The following RCAN2 variants were observed in gnomAD, a reference collection of about 807,000 sequenced individuals.
The protein encoded by RCAN2 is regulator of calcineurin 2.
RCAN2 carries 9 observed loss-of-function variants against 23.6 expected under a neutral mutation model. The ratio of observed to expected loss-of-function variants is 0.38; its 90% confidence interval spans 0.23 to 0.67. RCAN2 has a LOEUF of 0.67. Ranked by LOEUF, RCAN2 falls within the 30% of genes least tolerant of loss-of-function variation. The pLI, the probability that RCAN2 is intolerant of heterozygous loss-of-function variation, is 0.51. For synonymous variants in RCAN2, 109 were observed against 115.7 expected (o/e 0.94, Z 0.37); for missense variants, 273 against 302.3 (o/e 0.90, Z 0.72).
At chr6:46,386,737 A>C (rs981933367) in intron 2 of RCAN2, among the ~76,000 whole-genome samples, 3 of 152,196 alleles carry the variant, frequency 2.0e-5, no homozygotes, top group African/African-American at 7.2e-5. Context: ...TCTTCACAGA[A>C]TTGGAAAAAA....
intron 2 of RCAN2, among the ~76,000 whole-genome samples, chr6:46,367,801 T>C (rs556958126): frequency 2.6e-5 from 4 of 152,224 alleles, no homozygotes; most frequent in Non-Finnish European, 5.9e-5. Context: ...AAACGCTATG[T>C]TTAATTTCCC....
chr6:46,316,559 A>T (rs1055662151), intron 2 of RCAN2, among the ~76,000 whole-genome samples: 1 of 152,182 alleles, frequency 6.6e-6, no homozygotes, highest in African/African-American at 2.4e-5. Flanking sequence ...AACTGAGGAG[A>T]ATAAAGGCCA....
At chr6:46,319,358 T>A (rs1054172160) in intron 2 of RCAN2, among the ~76,000 whole-genome samples, 7 of 152,220 alleles carry the variant, frequency 4.6e-5, no homozygotes, top group Admixed American at 3.9e-4. Flanking sequence ...TCTCTGAATT[T>A]TACATTAAAA....
chr6:46,288,952 C>T (rs1258067514), intron 2 of RCAN2, among the ~76,000 whole-genome samples: 1 of 152,338 alleles, frequency 6.6e-6, no homozygotes, highest in East Asian at 1.9e-4. Flanking sequence ...TAGTTAATTT[C>T]CTTCCTTCCC....
intron 1 of RCAN2, among the ~76,000 whole-genome samples, chr6:46,472,041 A>T (rs1188247806): frequency 1.3e-5 from 2 of 152,204 alleles, no homozygotes; most frequent in African/African-American, 4.8e-5. Flanking sequence ...GGAGAACAGG[A>T]AACCTTGTTC....
intron 1 of RCAN2, among the ~76,000 whole-genome samples, chr6:46,490,638 G>A (rs1410241445): frequency 6.6e-6 from 1 of 152,136 alleles, no homozygotes; most frequent in Non-Finnish European, 1.5e-5. Flanking sequence ...ATTTTTAGAT[G>A]ACCCAAGGCC....
chr6:46,373,993 G>A (rs765168612), intron 2 of RCAN2, among the ~76,000 whole-genome samples: 2 of 152,120 alleles, frequency 1.3e-5, no homozygotes, highest in African/African-American at 4.8e-5. Flanking sequence ...AGCACTTTGA[G>A]GCTGCCTGAA....
At chr6:46,272,410 T>C in intron 2 of RCAN2, among the ~76,000 whole-genome samples, 1 of 152,194 alleles carries the variant, frequency 6.6e-6, no homozygotes, top group South Asian at 2.1e-4. Flanking sequence ...CAAGTTATTG[T>C]GCTTCTTTAA....
intron 4 of RCAN2, among the ~76,000 whole-genome samples, chr6:46,227,252 T>C (rs1417581262): frequency 6.6e-6 from 1 of 152,218 alleles, no homozygotes; most frequent in Admixed American, 6.5e-5. Flanking sequence ...AATTCTCTTT[T>C]TTCGTTGTGT....
At chr6:46,237,108 C>T (rs139809883) in intron 4 of RCAN2, among the ~76,000 whole-genome samples, 182 of 152,284 alleles carry the variant, frequency 1.2e-3, no homozygotes, top group Middle Eastern at 0.01. Flanking sequence ...ATTCTACAAG[C>T]GACTCTACTG....
At chr6:46,440,781 A>G (rs1767517253) in intron 2 of RCAN2, among the ~76,000 whole-genome samples, 1 of 152,202 alleles carries the variant, frequency 6.6e-6, no homozygotes, top group South Asian at 2.1e-4. Flanking sequence ...CCAGTTCCCC[A>G]GAGTAAACAA....
rs1768690764 is a variant in RCAN2 at position 46,475,511 on chromosome 6, G to A, written c.-3+15662C>T. 2.0e-5 allele frequency among the ~76,000 whole-genome samples: 3 copies of A among 152,208 alleles called. No homozygotes were observed. In the South Asian group the frequency reaches 6.2e-4, roughly 32 times the overall value. On this transcript the variant is annotated intron_variant, in intron 1 of 4. Transcript: ENST00000371374. ...GTCAAGACACTTGAAGGGAAGTGAA[G>A]AAGGATTTTCCAAGGCTTCAATTCT... is the stretch of plus-strand genomic sequence containing the variant.
rs1765517667 is a variant in RCAN2 at position 46,222,748 on chromosome 6, T to C, written c.*393A>G. On this transcript the variant is annotated 3_prime_UTR_variant, in exon 5 of 5. Coordinates refer to ENST00000371374, the MANE Select transcript of RCAN2 (RefSeq NM_001251974.2). ...ATGCAGTCAAAGTCAAGTTTACATA[T>C]GGTCCTATTTAAGTGGCCAGGAGAG... The C allele has an allele frequency of 1.2e-5, 2 of 163,978 alleles. No homozygotes were observed. Among genetic ancestry groups the C allele is most frequent in the Non-Finnish European group, 2.6e-5 (2 of 75,942 alleles). 10.2% of individuals were successfully genotyped at this position (163,978 alleles called of 1,614,324 possible). A position where few individuals can be genotyped will look rare whatever the true frequency, so the allele number is the denominator to read the frequency against.
intron 2 of RCAN2, among the ~76,000 whole-genome samples, chr6:46,378,515 T>C (rs1483877367): frequency 7.2e-5 from 11 of 152,328 alleles, no homozygotes; most frequent in Admixed American, 1.3e-4. Flanking sequence ...GCTGGATTTA[T>C]GTAAATCCCA....
At chr6:46,308,453 GGC>G (rs1763136662) in intron 2 of RCAN2, among the ~76,000 whole-genome samples, 1 of 152,130 alleles carries the variant, frequency 6.6e-6, no homozygotes. Context: ...GGAGAGGAGA[GGC>G]AAATGTGGTT....
intron 2 of RCAN2, among the ~76,000 whole-genome samples, chr6:46,336,938 A>G (rs1012573932): frequency 2.7e-5 from 4 of 146,040 alleles, no homozygotes; most frequent in African/African-American, 1.0e-4. Context: ...GAGGAGAAAA[A>G]CATATTGGAA....
intron 2 of RCAN2, among the ~76,000 whole-genome samples, chr6:46,396,861 C>T (rs528661173): frequency 4.1e-4 from 62 of 152,270 alleles, no homozygotes; most frequent in African/African-American, 1.2e-3. Flanking sequence ...CCTGTATTCT[C>T]AGCACTTTCA....
At chr6:46,289,303 A>G (rs1762466984) in intron 2 of RCAN2, among the ~76,000 whole-genome samples, 1 of 152,226 alleles carries the variant, frequency 6.6e-6, no homozygotes, top group African/African-American at 2.4e-5. Context: ...ACGAACTAGA[A>G]AGAGTATTCT....
At chr6:46,245,870 T>A (rs1482458540) in intron 4 of RCAN2, among the ~76,000 whole-genome samples, 1 of 152,170 alleles carries the variant, frequency 6.6e-6, no homozygotes, top group Non-Finnish European at 1.5e-5. Context: ...TAGTTACCAC[T>A]CAATTCACAG....
Sources: gnomAD v4.1 joint callset for allele counts (sites outside exome capture counted in the v4.1 genomes callset) on GRCh38, gnomAD v4.1.1 for gene constraint, MANE v1.5 for transcripts, NCBI Gene and HGNC (gene_info 2026-07-23, HGNC 2026-07-21) for gene names.